The following PGR variants were observed in gnomAD, a reference collection of about 807,000 sequenced individuals.
The protein encoded by PGR is progesterone receptor.
PGR carries 25 observed loss-of-function variants against 76.1 expected under a neutral mutation model. The ratio of observed to expected loss-of-function variants is 0.33; its 90% CI spans 0.24 to 0.46. The LOEUF (loss-of-function observed/expected upper bound fraction) is 0.46, where lower values mean the gene tolerates loss of function less well. Among genes scored for constraint, PGR ranks in the 20% least tolerant of loss-of-function variants. The probability of loss-of-function intolerance (pLI) is 1.00; values close to 1 mark genes in which losing one functional copy is unlikely to be tolerated. For synonymous variants in PGR, 579 were observed against 535.0 expected, an observed-to-expected ratio of 1.08 and a Z score of -1.14; for missense variants, 1,172 against 1,225.3, an observed-to-expected ratio of 0.96 and a Z score of 0.65.
rs1227010590 is a variant in PGR, at chr11:101,032,127, T to C, written c.*6989A>G. On this transcript the variant is annotated 3_prime_UTR_variant, in exon 8 of 8. Transcript: ENST00000325455. ...AAGCAAAATAATTAGACATCTGGCC[T>C]TGTGTTTGACAATTTATATGGTGTA... 1 of 232,806 alleles carries C rather than the reference T, an allele frequency of 4.3e-6. No individual in the cohort carries two copies. Among genetic ancestry groups the C allele is most frequent in the Non-Finnish European group, 8.5e-6 (1 of 117,858 alleles). 14.4% of individuals were successfully genotyped at this position (232,806 alleles called of 1,614,324 possible). A position where few individuals can be genotyped will look rare whatever the true frequency, so the allele number is the denominator to read the frequency against.
intron 2 of PGR, among the ~76,000 whole-genome samples, chr11:101,106,786 T>G (rs1862175549): frequency 6.6e-6 from 1 of 152,172 alleles, no homozygotes; most frequent in Admixed American, 6.5e-5. Flanking sequence ...TGAAGCACTA[T>G]TCACAATAGC....
intron 3 of PGR, among the ~76,000 whole-genome samples, chr11:101,080,877 A>T (rs898696394): frequency 2.0e-5 from 3 of 152,124 alleles, no homozygotes; most frequent in Non-Finnish European, 4.4e-5. Context: ...AGAAGAAAAA[A>T]TTTTAAAGCT....
intron 4 of PGR, among the ~76,000 whole-genome samples, chr11:101,061,979 G>C (rs956782816): frequency 5.9e-5 from 9 of 151,988 alleles, no homozygotes; most frequent in African/African-American, 2.2e-4. Context: ...TTTACGTTAG[G>C]GAATTTTGTT....
rs1258502528 is a variant in PGR, at chr11:101,127,857, A to G, written c.1214T>C (p.Leu405Pro). 2.5e-6 allele frequency: 4 copies of G among 1,596,018 alleles called. No homozygotes were observed. Among genetic ancestry groups the G allele is most frequent in the African/African-American group, 1.3e-5 (1 of 74,882 alleles). The change falls in exon 1 of 8, where the codon CTT (leucine) becomes CCT (proline). Residue 405 changes from leucine (L) to proline (P), a missense_variant. Physicochemically the swap from Leu to Pro is moderately conservative, Grantham distance 98. Transcript: ENST00000325455. Reference protein sequence around the residue: ...EASARSPRSYLVAGANPAAFP... With the variant: ...EASARSPRSYPVAGANPAAFP... ...GGCTGCGGGGTTGGCACCGGCCACA[A>G]GGTAGGAACGCGGGGAGCGCGCGGA...
chr11:101,037,847 A>T lies in PGR; in HGVS notation c.*1269T>A. ...AGAAAATGTCATTCAACTCTCAGTC[A>T]GCAAACACTATTGACCACTTTATAT... On this transcript the variant is annotated 3_prime_UTR_variant, in exon 8 of 8. Transcript: ENST00000325455. 4.5e-6 allele frequency: 1 copy of T among 221,790 alleles called. No individual in the cohort carries two copies. The highest frequency in any genetic ancestry group is 6.6e-5 in the East Asian group (1 of 15,232). The allele number at this position is 221,790 out of a possible 1,614,324, so 13.7% of individuals were successfully genotyped here.
At chr11:101,073,677 C>T (rs543955) in intron 3 of PGR, among the ~76,000 whole-genome samples, 4 of 152,038 alleles carry the variant, frequency 2.6e-5, no homozygotes, top group Non-Finnish European at 2.9e-5. Flanking sequence ...GAAATACAAA[C>T]TACCATCAGA....
intron 3 of PGR, among the ~76,000 whole-genome samples, chr11:101,077,907 G>A (rs2135434701): frequency 6.6e-6 from 1 of 152,288 alleles, no homozygotes; most frequent in African/African-American, 2.4e-5. Context: ...AGAGAGGTAG[G>A]TGGTAGCCAT....
chr11:101,105,601 T>A (rs926482193), intron 2 of PGR, among the ~76,000 whole-genome samples: 2 of 151,230 alleles, frequency 1.3e-5, no homozygotes, highest in Non-Finnish European at 2.9e-5. Flanking sequence ...TGGAAAAACA[T>A]TCCATGCTCA....
At chr11:101,093,811 A>G (rs911454670) in intron 2 of PGR, among the ~76,000 whole-genome samples, 2 of 152,176 alleles carry the variant, frequency 1.3e-5, no homozygotes, top group African/African-American at 4.8e-5. Context: ...CGCAGATGTA[A>G]TTGTTTGAAG....
intron 2 of PGR, among the ~76,000 whole-genome samples, chr11:101,100,263 A>C (rs1275594893): frequency 6.6e-6 from 1 of 152,120 alleles, no homozygotes; most frequent in Non-Finnish European, 1.5e-5. Flanking sequence ...ATGGTTTTAT[A>C]AGAGTCTAGC....
intron 6 of PGR, among the ~76,000 whole-genome samples, chr11:101,049,716 T>C (rs1461004776): frequency 6.6e-6 from 1 of 152,138 alleles, no homozygotes; most frequent in Non-Finnish European, 1.5e-5. Flanking sequence ...TAAAAAGAAA[T>C]TGATGAGGCT....
Position 101,128,917 on chromosome 11 carries a change from G to A in PGR, c.154C>T (p.Pro52Ser). The A allele has an allele frequency of 6.2e-7, 1 of 1,613,560 alleles. No individual in the cohort carries two copies. The change falls in exon 1 of 8, where the codon CCT becomes TCT. Residue 52 changes from proline (P) to serine (S), a missense_variant. Pro to Ser is a moderately conservative substitution (Grantham distance 74). Transcript: ENST00000325455. ...AAGAGTAGCCCGTCCAGGGAGATAG[G>A]TATGGCCGAAACTTCAGGCAAGGTG... ...SDTLPEVSAI[P>S]ISLDGLLFPR...
At chr11:101,126,624 GTA>G (rs1483928295) in intron 1 of PGR, among the ~76,000 whole-genome samples, 1 of 152,178 alleles carries the variant, frequency 6.6e-6, no homozygotes, top group African/African-American at 2.4e-5. Flanking sequence ...ACTTAAGCAA[GTA>G]TATGTTTGTC....
At chr11:101,101,073 A>G (rs1474431809) in intron 2 of PGR, among the ~76,000 whole-genome samples, 1 of 152,230 alleles carries the variant, frequency 6.6e-6, no homozygotes, top group Non-Finnish European at 1.5e-5. Context: ...CTGATCCAGG[A>G]CTAGGGCAGG....
intron 2 of PGR, among the ~76,000 whole-genome samples, chr11:101,093,559 C>G (rs189482252): frequency 1.3e-5 from 2 of 152,140 alleles, no homozygotes. Flanking sequence ...CTCCTGGGTT[C>G]AAGGAACTTT....
At chr11:101,109,142 CAT>C (rs1862267547) in intron 2 of PGR, among the ~76,000 whole-genome samples, 1 of 152,188 alleles carries the variant, frequency 6.6e-6, no homozygotes, top group Non-Finnish European at 1.5e-5. Flanking sequence ...TCTCTTTCTT[CAT>C]GATTTCCTAT....
rs576849789 is a variant in PGR, at chr11:101,090,015, A to G, written c.1906+1745T>C. 5.9e-5 allele frequency among the ~76,000 whole-genome samples: 9 copies of G among 152,292 alleles called. No individual in the cohort carries two copies. In the East Asian group the frequency reaches 1.7e-3, roughly 29 times the overall value. On this transcript the variant is annotated intron_variant, in intron 3 of 7. Transcript: ENST00000325455. ...GGAGTTCAAAACCAGCCTGGCCAAC[A>G]TGGTGAAACCCCATCTCTACTAAAA... is the stretch of plus-strand genomic sequence containing the variant.
Position 101,037,436 on chromosome 11 carries a change from G to A in PGR, c.*1680C>T, listed in dbSNP as rs980330890. The stretch of plus-strand genomic sequence containing the variant: ...ACCAGGTATTCAATCAATATTTGTT[G>A]AATGAAATTAGAAATGAAGAAAGTT... On this transcript the variant is annotated 3_prime_UTR_variant, in exon 8 of 8. Transcript: ENST00000325455. 2 of 220,024 alleles carry A rather than the reference G, an allele frequency of 9.1e-6. No individual in the cohort carries two copies. Among genetic ancestry groups the A allele is most frequent in the Non-Finnish European group, 1.8e-5 (2 of 109,788 alleles). The allele number at this position is 220,024 out of a possible 1,614,324, so 13.6% of individuals were successfully genotyped here.
intron 3 of PGR, among the ~76,000 whole-genome samples, chr11:101,072,761 A>G (rs1860985971): frequency 6.6e-6 from 1 of 152,232 alleles, no homozygotes; most frequent in Admixed American, 6.5e-5. Flanking sequence ...GATCAATGCA[A>G]CAAGAAGAGC....
Sources: allele counts gnomAD v4.1 joint callset (sites outside exome capture counted in the v4.1 genomes callset), GRCh38; gene constraint gnomAD v4.1.1; transcripts MANE v1.5; gene names NCBI Gene and HGNC (gene_info 2026-07-23, HGNC 2026-07-21).